Variants in KCNMA1 observed in about 807,000 individuals in gnomAD.
The protein encoded by KCNMA1 is potassium calcium-activated channel subfamily M alpha 1.
In KCNMA1, 29 loss-of-function variants were observed where a neutral mutation model predicts 140.0. That is an observed-to-expected ratio of 0.21 (90% CI 0.15 to 0.28). KCNMA1 has a LOEUF of 0.28. Among genes scored for constraint, KCNMA1 ranks in the 10% least tolerant of loss-of-function variants. The pLI is 1.00. For synonymous variants in KCNMA1, 612 were observed against 611.9 expected, an observed-to-expected ratio of 1.00 and a Z score of 0.00; for missense variants, 880 against 1,602.2, an observed-to-expected ratio of 0.55 and a Z score of 7.70.
At chr10:77,596,923 AG>A (rs2081109238) in intron 1 of KCNMA1, among the ~76,000 whole-genome samples, 1 of 152,236 alleles carries the variant, frequency 6.6e-6, no homozygotes, top group Non-Finnish European at 1.5e-5. Context: ...CTCTTTGCAG[AG>A]TAGCTATTTA....
chr10:77,305,260 T>C (rs584990), intron 2 of KCNMA1, among the ~76,000 whole-genome samples: 127,425 of 152,188 alleles, frequency 0.84, 53,512 homozygotes, highest in Middle Eastern at 0.9. Context: ...TCCCACTCTA[T>C]CAGCTTACCT....
In KCNMA1 at chr10:77,019,038, C is replaced by T. The variant is rs2092521373; in HGVS notation, c.1990G>A (p.Ala664Thr). ...IQEGTLGFFI[A>T]SDAKEVKRAF... ...CTTTTAACTTCTTTGGCATCACTTGCGATGAAAAATCCTAAAGTACCTTCT... is the reference window on the plus strand; with the variant it reads ...CTTTTAACTTCTTTGGCATCACTTGTGATGAAAAATCCTAAAGTACCTTCT... Residue 664 changes from alanine to threonine, a missense_variant, in exon 17 of 28, where the codon GCA (alanine) becomes ACA (threonine). Physicochemically the swap from Ala to Thr is moderately conservative, Grantham distance 58 (BLOSUM62 0). Transcript: ENST00000286628. 4 of 1,593,868 alleles carry T rather than the reference C, an allele frequency of 2.5e-6. No individual in the cohort carries two copies. Among genetic ancestry groups the T allele is most frequent in the African/African-American group, 1.3e-5 (1 of 74,434 alleles).
chr10:77,117,561 A>AG (rs1338595927), intron 6 of KCNMA1, among the ~76,000 whole-genome samples: 1 of 147,612 alleles, frequency 6.8e-6, no homozygotes, highest in Middle Eastern at 3.5e-3. Context: ...AAAAAAAAAA[A>AG]AAAAGAAAAG....
chr10:77,096,654 A>G (rs2096940441), intron 9 of KCNMA1, among the ~76,000 whole-genome samples: 1 of 152,240 alleles, frequency 6.6e-6, no homozygotes, highest in Non-Finnish European at 1.5e-5. Flanking sequence ...AAAGAACTTA[A>G]AAAACCCAGA....
chr10:77,130,241 TTC>T (rs1395971143), intron 5 of KCNMA1, among the ~76,000 whole-genome samples: 1 of 152,186 alleles, frequency 6.6e-6, no homozygotes, highest in African/African-American at 2.4e-5. Flanking sequence ...CACACAACCA[TTC>T]TGTTTTTCAC....
chr10:76,991,293 C>G (rs1487485867), intron 19 of KCNMA1, among the ~76,000 whole-genome samples: 1 of 152,190 alleles, frequency 6.6e-6, no homozygotes, highest in East Asian at 1.9e-4. Context: ...TGGTAGTAAC[C>G]CTGCCACTCC....
intron 2 of KCNMA1, among the ~76,000 whole-genome samples, chr10:77,267,863 G>C (rs1045049485): frequency 6.6e-6 from 1 of 152,162 alleles, no homozygotes; most frequent in Non-Finnish European, 1.5e-5. Flanking sequence ...GTTGACACAG[G>C]AGATCACCTG....
chr10:77,514,048 G>A (rs918406367), intron 1 of KCNMA1, among the ~76,000 whole-genome samples: 1 of 152,268 alleles, frequency 6.6e-6, no homozygotes, highest in Non-Finnish European at 1.5e-5. Flanking sequence ...CCTATCTTTA[G>A]AAGTTTCGCA....
At chr10:76,975,543 T>A (rs1382769825) in intron 19 of KCNMA1, 1 of 152,262 alleles carries the variant, frequency 6.6e-6, no homozygotes, top group East Asian at 1.9e-4. Context: ...TCGGGATGGA[T>A]CCCGTGGTGG....
intron 19 of KCNMA1, among the ~76,000 whole-genome samples, chr10:76,972,082 A>G (rs907456907): frequency 1.6e-4 from 24 of 152,068 alleles, no homozygotes; most frequent in Admixed American, 1.2e-3. Context: ...GTCATCTTTT[A>G]ATATGGGCCA....
At chr10:77,064,024 G>A (rs574987570) in intron 14 of KCNMA1, 7 of 985,206 alleles carry the variant, frequency 7.1e-6, no homozygotes, top group East Asian at 2.3e-4. Context: ...GCCGCTTCTC[G>A]GGCCCCATCC....
chr10:76,891,698 G>A lies in KCNMA1; in HGVS notation c.3169C>T (p.Leu1057Phe). 6.2e-7 allele frequency: 1 copy of A among 1,613,958 alleles called. No individual in the cohort carries two copies. Among genetic ancestry groups the A allele is most frequent in the Non-Finnish European group, 8.5e-7 (1 of 1,179,978 alleles). ...GTCACCAGGGTCCGTATCAGGGTGA[G>A]GATATTGTCATTGAAGTACGTCTGG... ...MSATYFNDNI[L>F]TLIRTLVTGG... Residue 1057 changes from leucine to phenylalanine, a missense_variant, in exon 26 of 28, where the codon CTC becomes TTC. Physicochemically the swap from Leu to Phe is conservative, Grantham distance 22. Coordinates refer to ENST00000286628, the MANE Select transcript of KCNMA1 (RefSeq NM_001161352.2).
chr10:77,292,388 C>T (rs960612830), intron 2 of KCNMA1, among the ~76,000 whole-genome samples: 3 of 152,178 alleles, frequency 2.0e-5, no homozygotes, highest in African/African-American at 7.2e-5. Context: ...AGCAAGGCAC[C>T]AGTCATTTCA....
intron 2 of KCNMA1, among the ~76,000 whole-genome samples, chr10:77,261,726 T>A (rs1471951410): frequency 6.6e-6 from 1 of 152,162 alleles, no homozygotes; most frequent in East Asian, 1.9e-4. Flanking sequence ...TTTTGCATAA[T>A]TTTACCAATG....
chr10:77,324,971 C>CTGTGTGTG (rs144907110), intron 2 of KCNMA1, among the ~76,000 whole-genome samples: 12 of 90,440 alleles, frequency 1.3e-4, no homozygotes, highest in African/African-American at 3.7e-4. Flanking sequence ...CTCTCTCTCT[C>CTGTGTGTG]TGTGTGTGTG....
rs542692346 is a variant in KCNMA1 at position 77,584,443 on chromosome 10, C to T, written c.378+52822G>A. On this transcript the variant is annotated intron_variant, in intron 1 of 27. Transcript: ENST00000286628. The stretch of plus-strand genomic sequence containing the variant: ...AATCTCGGCTCACTGCAACCCCTGC[C>T]TCCCAGGTTCAAGCAATTCTCCTGC... Among the ~76,000 whole-genome samples the T allele has an allele frequency of 2.0e-5, 3 of 152,318 alleles. No individual in the cohort carries two copies. In the South Asian group the frequency reaches 6.2e-4, roughly 32 times the overall value.
intron 14 of KCNMA1, among the ~76,000 whole-genome samples, chr10:77,060,582 T>C (rs577774290): frequency 9.2e-5 from 14 of 152,264 alleles, no homozygotes; most frequent in African/African-American, 3.4e-4. Context: ...GATGATGACA[T>C]TGGGACATGT....
chr10:77,310,709 C>T (rs1040132920), intron 2 of KCNMA1, among the ~76,000 whole-genome samples: 6 of 152,080 alleles, frequency 3.9e-5, no homozygotes, highest in African/African-American at 7.2e-5. Flanking sequence ...GAATTGTTAG[C>T]GGAACAAGTT....
intron 2 of KCNMA1, among the ~76,000 whole-genome samples, chr10:77,285,098 T>C (rs2070281871): frequency 6.6e-6 from 1 of 152,212 alleles, no homozygotes; most frequent in Non-Finnish European, 1.5e-5. Flanking sequence ...TAATAAAATC[T>C]ACCAAGTTAA....
Sources: allele counts gnomAD v4.1 joint callset (sites outside exome capture counted in the v4.1 genomes callset), GRCh38; gene constraint gnomAD v4.1.1; transcripts MANE v1.5; gene names NCBI Gene and HGNC (gene_info 2026-07-23, HGNC 2026-07-21).